IL1RAPL1: variants seen among roughly 807,000 people sequenced by gnomAD.
The protein encoded by IL1RAPL1 is interleukin-1 receptor accessory protein-like 1.
Under a neutral mutation model 48.4 loss-of-function variants are expected in IL1RAPL1, and 3 were observed. The observed-to-expected ratio is 0.06, with a 90% CI of 0.03 to 0.16. The LOEUF is 0.16. Ranked by LOEUF, IL1RAPL1 falls within the 10% of genes least tolerant of loss-of-function variation. The pLI, the probability that IL1RAPL1 is intolerant of heterozygous loss-of-function variation, is 1.00. For synonymous variants in IL1RAPL1, 185 were observed against 187.7 expected (o/e 0.99, Z 0.12); for missense variants, 349 against 530.6 (o/e 0.66, Z 3.36).
chrX:29,546,154 T>TTGAGAAACCCTG (rs1332022922), intron 5 of IL1RAPL1, among the ~76,000 whole-genome samples: 8 of 112,054 alleles, frequency 7.1e-5, no homozygotes, highest in African/African-American at 2.6e-4. Flanking sequence ...AGTGCTGCTG[T>TTGAGAAACCCTG]TGAGAAACCC....
intron 2 of IL1RAPL1, among the ~76,000 whole-genome samples, chrX:29,104,680 C>T (rs1602058625): frequency 3.6e-5 from 4 of 110,941 alleles, no homozygotes; most frequent in African/African-American, 1.3e-4. Flanking sequence ...ATCTCATTTA[C>T]TATGATGTGA....
intron 1 of IL1RAPL1, among the ~76,000 whole-genome samples, chrX:28,663,338 C>T (rs1934841659): frequency 8.9e-6 from 1 of 112,073 alleles, no homozygotes; most frequent in African/African-American, 3.2e-5. Context: ...TAGAGTGGTG[C>T]TTTTCAACCT....
At chrX:29,157,384 A>G (rs1458945269) in intron 2 of IL1RAPL1, among the ~76,000 whole-genome samples, 2 of 111,803 alleles carry the variant, frequency 1.8e-5, no homozygotes, top group Non-Finnish European at 3.8e-5. Context: ...AAAATATCCA[A>G]ACAAAGTAAT....
intron 3 of IL1RAPL1, among the ~76,000 whole-genome samples, chrX:29,310,617 T>TCACA (rs200478233): frequency 2.1e-5 from 2 of 96,625 alleles, no homozygotes; most frequent in African/African-American, 1.1e-4. Flanking sequence ...AATTGAGAAA[T>TCACA]CACACACACA....
At chrX:29,138,182 T>G (rs1929169304) in intron 2 of IL1RAPL1, among the ~76,000 whole-genome samples, 2 of 112,216 alleles carry the variant, frequency 1.8e-5, no homozygotes, top group South Asian at 7.3e-4. Flanking sequence ...AAACATACAC[T>G]GAATCAGACT....
chrX:29,945,199 C>A (rs745745402), intron 9 of IL1RAPL1, among the ~76,000 whole-genome samples: 2 of 111,699 alleles, frequency 1.8e-5, no homozygotes, highest in East Asian at 2.8e-4. Flanking sequence ...TTAGTCACAG[C>A]CCCTTAGAGC....
At position 29,835,367 on chromosome X, in the gene IL1RAPL1, A is replaced by G. The variant is rs781509267; in HGVS notation, c.779-82097A>G. 1.3e-3 allele frequency among the ~76,000 whole-genome samples: 142 copies of G among 112,248 alleles called. 2 individuals are homozygous for G. The highest frequency in any genetic ancestry group is 4.3e-3 in the African/African-American group (134 of 30,944). On this transcript the variant is annotated intron_variant, in intron 6 of 10. Coordinates refer to ENST00000378993, the MANE Select transcript of IL1RAPL1 (RefSeq NM_014271.4). ...TCCCTGGGATGAATCCCACTTGATC[A>G]TGGTGAGTGATCTTTTAATTGTGCT... is the stretch of plus-strand genomic sequence containing the variant.
chrX:28,897,338 C>G (rs749408641), intron 2 of IL1RAPL1, among the ~76,000 whole-genome samples: 1 of 111,932 alleles, frequency 8.9e-6, no homozygotes, highest in East Asian at 2.8e-4. Context: ...GCAGGCGTCC[C>G]TGCGTGATTA....
intron 6 of IL1RAPL1, among the ~76,000 whole-genome samples, chrX:29,889,442 G>A (rs926334608): frequency 7.2e-5 from 8 of 111,252 alleles, no homozygotes; most frequent in Non-Finnish European, 1.5e-4. Flanking sequence ...GTAAATATAT[G>A]TACTCAAAGG....
At chrX:28,939,898 A>G (rs950579742) in intron 2 of IL1RAPL1, among the ~76,000 whole-genome samples, 25 of 111,053 alleles carry the variant, frequency 2.3e-4, no homozygotes, top group African/African-American at 7.8e-4. Flanking sequence ...CCAGTGTGTC[A>G]CAGACTTATT....
chrX:29,883,276 C>T (rs1233997836), intron 6 of IL1RAPL1, among the ~76,000 whole-genome samples: 1 of 110,686 alleles, frequency 9.0e-6, no homozygotes, highest in Non-Finnish European at 1.9e-5. Flanking sequence ...CCACCGAGCA[C>T]AACCTTATGT....
chrX:29,064,295 C>T (rs1005660381), intron 2 of IL1RAPL1, among the ~76,000 whole-genome samples: 1 of 111,960 alleles, frequency 8.9e-6, no homozygotes, highest in African/African-American at 3.2e-5. Flanking sequence ...TCCTAACAAC[C>T]TCTGCCATGA....
intron 2 of IL1RAPL1, among the ~76,000 whole-genome samples, chrX:29,231,061 A>C (rs1271716217): frequency 8.9e-6 from 1 of 112,515 alleles, no homozygotes; most frequent in Non-Finnish European, 1.9e-5. Context: ...GGTCTTAAGC[A>C]ACAGACTTGA....
chrX:29,459,349 TAG>T (rs1934776605), intron 5 of IL1RAPL1, among the ~76,000 whole-genome samples: 1 of 112,012 alleles, frequency 8.9e-6, no homozygotes, highest in African/African-American at 3.2e-5. Context: ...GTTCATGTTT[TAG>T]AGTTTTCAGT....
intron 2 of IL1RAPL1, among the ~76,000 whole-genome samples, chrX:28,849,281 C>A (rs1290233967): frequency 9.0e-6 from 1 of 111,447 alleles, no homozygotes; most frequent in Non-Finnish European, 1.9e-5. Context: ...ATTATATTTT[C>A]ATCTCTGTGT....
intron 2 of IL1RAPL1, among the ~76,000 whole-genome samples, chrX:28,850,930 G>T (rs960226103): frequency 9.8e-6 from 1 of 102,093 alleles, no homozygotes; most frequent in East Asian, 3.2e-4. Context: ...TTTGAACTCC[G>T]CCAACCAGTA....
chrX:28,613,755 C>G (rs778405905), intron 1 of IL1RAPL1, among the ~76,000 whole-genome samples: 1 of 112,091 alleles, frequency 8.9e-6, no homozygotes, highest in South Asian at 3.7e-4. Flanking sequence ...AGCCACGGGA[C>G]AGAAGGCAGT....
intron 2 of IL1RAPL1, among the ~76,000 whole-genome samples, chrX:28,995,164 C>A (rs1441521534): frequency 9.0e-6 from 1 of 110,998 alleles, no homozygotes; most frequent in Non-Finnish European, 1.9e-5. Context: ...ATAATGTCAG[C>A]TATTATATAT....
chrX:28,588,975 T>A (rs1366210099), intron 1 of IL1RAPL1, among the ~76,000 whole-genome samples: 1 of 111,987 alleles, frequency 8.9e-6, no homozygotes, highest in Non-Finnish European at 1.9e-5. Context: ...TCCTGTCTGC[T>A]ACATCTATTT....
Sources: allele counts gnomAD v4.1 joint callset (sites outside exome capture counted in the v4.1 genomes callset), GRCh38; gene constraint gnomAD v4.1.1; transcripts MANE v1.5; gene names NCBI Gene and HGNC (gene_info 2026-07-23, HGNC 2026-07-21).